The following KIAA1328 variants were observed in gnomAD, a reference collection of about 807,000 sequenced individuals.
KIAA1328 encodes protein hinderin.
Under a neutral mutation model 68.1 loss-of-function variants are expected in KIAA1328, and 52 were observed. The ratio of observed to expected loss-of-function variants is 0.76; its 90% CI spans 0.61 to 0.96. KIAA1328 has a LOEUF of 0.96. Ranked by LOEUF, KIAA1328 falls within the 40% of genes least tolerant of loss-of-function variation. The pLI is 0.00. For synonymous variants in KIAA1328, 232 were observed against 239.4 expected (o/e 0.97, Z 0.28); for missense variants, 641 against 677.6 (o/e 0.95, Z 0.60).
At chr18:37,218,351 C>T (rs2060487958) in intron 9 of KIAA1328, among the ~76,000 whole-genome samples, 1 of 152,160 alleles carries the variant, frequency 6.6e-6, no homozygotes, top group Non-Finnish European at 1.5e-5. Flanking sequence ...TGAGGATCTG[C>T]TTACACAGGT....
intron 9 of KIAA1328, among the ~76,000 whole-genome samples, chr18:37,220,863 A>G (rs775254499): frequency 1.1e-4 from 16 of 152,032 alleles, no homozygotes; most frequent in South Asian, 2.1e-4. Context: ...TGTTTGCTCT[A>G]TTGCCCAGGC....
intron 9 of KIAA1328, among the ~76,000 whole-genome samples, chr18:37,191,087 A>C (rs1424786582): frequency 1.3e-5 from 2 of 152,096 alleles, no homozygotes; most frequent in Non-Finnish European, 2.9e-5. Flanking sequence ...CAATCAATAT[A>C]TCTCTACCTA....
chr18:37,134,074 C>T (rs1319069183), intron 7 of KIAA1328, among the ~76,000 whole-genome samples: 2 of 151,796 alleles, frequency 1.3e-5, no homozygotes, highest in Non-Finnish European at 2.9e-5. Flanking sequence ...AGTGCAGTGG[C>T]ATGATCTCGG....
chr18:36,967,336 A>G (rs1452622051), intron 6 of KIAA1328, among the ~76,000 whole-genome samples: 1 of 152,198 alleles, frequency 6.6e-6, no homozygotes, highest in Non-Finnish European at 1.5e-5. Flanking sequence ...ACAAGGAGCT[A>G]TATTCTGTCA....
At chr18:37,043,396 T>C (rs1000663662) in intron 6 of KIAA1328, among the ~76,000 whole-genome samples, 1 of 152,206 alleles carries the variant, frequency 6.6e-6, no homozygotes, top group African/African-American at 2.4e-5. Flanking sequence ...ATTCTTTCTC[T>C]CGAAAGTTGT....
At chr18:37,175,366 G>A (rs1167394017) in intron 9 of KIAA1328, among the ~76,000 whole-genome samples, 2 of 152,134 alleles carry the variant, frequency 1.3e-5, no homozygotes, top group South Asian at 4.1e-4. Flanking sequence ...TATCAACATT[G>A]TAGAGTTTTA....
At chr18:36,958,476 G>A (rs2051514761) in intron 5 of KIAA1328, among the ~76,000 whole-genome samples, 1 of 152,062 alleles carries the variant, frequency 6.6e-6, no homozygotes, top group Admixed American at 6.6e-5. Context: ...TACGTAGGAG[G>A]GTTCCAGTTT....
intron 5 of KIAA1328, among the ~76,000 whole-genome samples, chr18:36,898,383 C>T (rs960036568): frequency 2.6e-5 from 4 of 151,800 alleles, no homozygotes; most frequent in South Asian, 2.1e-4. Context: ...ATGTTTGTTG[C>T]TAAAAATAAG....
chr18:36,911,454 A>G (rs1477076440), intron 5 of KIAA1328, among the ~76,000 whole-genome samples: 1 of 152,178 alleles, frequency 6.6e-6, no homozygotes, highest in Non-Finnish European at 1.5e-5. Flanking sequence ...GACCTTGGTT[A>G]TATATCAATT....
intron 7 of KIAA1328, among the ~76,000 whole-genome samples, chr18:37,143,354 T>C (rs2058816629): frequency 6.6e-6 from 1 of 152,168 alleles, no homozygotes; most frequent in Admixed American, 6.5e-5. Flanking sequence ...GAAAGACTAT[T>C]GGTTTTTGAA....
At chr18:37,030,062 C>T (rs1221426807) in intron 6 of KIAA1328, among the ~76,000 whole-genome samples, 1 of 151,912 alleles carries the variant, frequency 6.6e-6, no homozygotes, top group Non-Finnish European at 1.5e-5. Context: ...GCCACTTTTT[C>T]ATTTTTGATT....
chr18:37,184,887 G>C lies in KIAA1328; in HGVS notation c.1523+11806G>C, dbSNP rs1413658774. On this transcript the variant is annotated intron_variant, in intron 9 of 9. Transcript: ENST00000280020. Reference sequence around the variant, plus strand: ...CCATTAAAAATGTTTGGGTTGGCCAGGCGTGGTGGCTCATGCCTGTAATCC... The same window carrying C: ...CCATTAAAAATGTTTGGGTTGGCCACGCGTGGTGGCTCATGCCTGTAATCC... 1.3e-5 allele frequency among the ~76,000 whole-genome samples: 2 copies of C among 152,242 alleles called. 1 individual carries two copies. Among genetic ancestry groups the C allele is most frequent in the South Asian group, 4.1e-4 (2 of 4,822 alleles).
intron 6 of KIAA1328, among the ~76,000 whole-genome samples, chr18:37,041,865 T>C (rs911802320): frequency 6.6e-6 from 1 of 152,152 alleles, no homozygotes. Flanking sequence ...TGTGCTGTTA[T>C]TTTCATACAG....
chr18:36,952,031 T>C (rs577833597), intron 5 of KIAA1328, among the ~76,000 whole-genome samples: 37 of 152,362 alleles, frequency 2.4e-4, no homozygotes, highest in African/African-American at 8.7e-4. Context: ...ATTTGAGATC[T>C]AGCCCCTGTT....
intron 6 of KIAA1328, among the ~76,000 whole-genome samples, chr18:37,030,966 A>G (rs2054802870): frequency 1.3e-5 from 2 of 151,990 alleles, no homozygotes; most frequent in Non-Finnish European, 2.9e-5. Context: ...GTTTGCTCAG[A>G]ATGATGGTTT....
chr18:37,106,191 G>T (rs1258267358), intron 7 of KIAA1328, among the ~76,000 whole-genome samples: 1 of 151,830 alleles, frequency 6.6e-6, no homozygotes, highest in Non-Finnish European at 1.5e-5. Flanking sequence ...TCAATAAAAA[G>T]AAAAAAGTAC....
intron 7 of KIAA1328, among the ~76,000 whole-genome samples, chr18:37,106,377 A>G (rs1401964096): frequency 6.6e-6 from 1 of 152,092 alleles, no homozygotes; most frequent in Non-Finnish European, 1.5e-5. Context: ...GGGGCATTAG[A>G]AATTAGGTTT....
intron 9 of KIAA1328, among the ~76,000 whole-genome samples, chr18:37,187,443 T>C (rs2059825430): frequency 6.6e-6 from 1 of 152,260 alleles, no homozygotes; most frequent in East Asian, 1.9e-4. Context: ...AAGCCAAATA[T>C]CTGCATAGCA....
intron 9 of KIAA1328, among the ~76,000 whole-genome samples, chr18:37,201,881 A>G (rs1323570137): frequency 1.3e-5 from 2 of 152,232 alleles, no homozygotes; most frequent in South Asian, 2.1e-4. Flanking sequence ...TTGACAAGGT[A>G]CTGGACCAGT....
Sources: allele counts gnomAD v4.1 joint callset (sites outside exome capture counted in the v4.1 genomes callset), GRCh38; gene constraint gnomAD v4.1.1; transcripts MANE v1.5; gene names NCBI Gene and HGNC (gene_info 2026-07-23, HGNC 2026-07-21).